Variants in LRRTM4 observed in about 807,000 individuals in gnomAD.
The protein encoded by LRRTM4 is leucine rich repeat transmembrane neuronal 4, also known as leucine-rich repeat transmembrane neuronal protein 4.
In LRRTM4, 25 loss-of-function variants were observed where a neutral mutation model predicts 47.6. The observed-to-expected ratio is 0.53, with a 90% CI of 0.38 to 0.73. LRRTM4 has a LOEUF of 0.73. Among genes scored for constraint, LRRTM4 ranks in the 30% least tolerant of loss-of-function variants. The pLI is 0.00. For synonymous variants in LRRTM4, 311 were observed against 269.5 expected (o/e 1.15, Z -1.51); for missense variants, 638 against 713.4 (o/e 0.89, Z 1.20).
At chr2:76,789,099 T>G (rs1674832439) in intron 3 of LRRTM4, among the ~76,000 whole-genome samples, 1 of 152,102 alleles carries the variant, frequency 6.6e-6, no homozygotes, top group African/African-American at 2.4e-5. Flanking sequence ...AACCCTATAC[T>G]TTAGAGATGC....
intron 3 of LRRTM4, among the ~76,000 whole-genome samples, chr2:77,068,928 A>G (rs1048906528): frequency 1.3e-5 from 2 of 151,026 alleles, no homozygotes; most frequent in African/African-American, 5.0e-5. Flanking sequence ...TTAAACCACA[A>G]ACAATAGCAT....
intron 3 of LRRTM4, among the ~76,000 whole-genome samples, chr2:77,031,436 T>G (rs1395384733): frequency 6.6e-6 from 1 of 152,216 alleles, no homozygotes; most frequent in African/African-American, 2.4e-5. Context: ...AAGTAGATCA[T>G]GATTATCCTA....
At chr2:77,364,087 C>T (rs1672344319) in intron 3 of LRRTM4, among the ~76,000 whole-genome samples, 1 of 151,120 alleles carries the variant, frequency 6.6e-6, no homozygotes, top group Non-Finnish European at 1.5e-5. Flanking sequence ...AGGCTCTCTT[C>T]TCAACCATAT....
At chr2:76,749,542 C>T (rs187257342) in intron 3 of LRRTM4, among the ~76,000 whole-genome samples, 1 of 151,908 alleles carries the variant, frequency 6.6e-6, no homozygotes, top group African/African-American at 2.4e-5. Flanking sequence ...AATACTGGAC[C>T]AAAGAACTCT....
At chr2:76,793,062 A>C (rs1344730721) in intron 3 of LRRTM4, among the ~76,000 whole-genome samples, 1 of 152,210 alleles carries the variant, frequency 6.6e-6, no homozygotes, top group Non-Finnish European at 1.5e-5. Context: ...TCAAGGCTTT[A>C]GCAGTATTAA....
chr2:77,159,019 C>T (rs960171819), intron 3 of LRRTM4, among the ~76,000 whole-genome samples: 1 of 152,126 alleles, frequency 6.6e-6, no homozygotes, highest in African/African-American at 2.4e-5. Context: ...AACCACTAAA[C>T]CAGACTTTAT....
intron 3 of LRRTM4, among the ~76,000 whole-genome samples, chr2:76,868,658 T>C (rs529242194): frequency 8.5e-4 from 130 of 152,276 alleles, no homozygotes; most frequent in African/African-American, 2.8e-3. Flanking sequence ...TGTGAAAATA[T>C]TGCTAAGAAT....
intron 3 of LRRTM4, among the ~76,000 whole-genome samples, chr2:77,416,748 T>A (rs1301707873): frequency 1.3e-5 from 2 of 152,020 alleles, no homozygotes; most frequent in Non-Finnish European, 2.9e-5. Context: ...GTAAAGATAC[T>A]GTGTCAAAGA....
At chr2:76,923,969 G>A (rs1471961937) in intron 3 of LRRTM4, among the ~76,000 whole-genome samples, 2 of 151,958 alleles carry the variant, frequency 1.3e-5, no homozygotes, top group African/African-American at 4.8e-5. Flanking sequence ...GCATAGGTGT[G>A]GAGTGTTTTT....
intron 3 of LRRTM4, among the ~76,000 whole-genome samples, chr2:77,246,416 C>A (rs6710391): frequency 0.55 from 83,145 of 151,928 alleles, 23,115 homozygotes; most frequent in African/African-American, 0.6. Context: ...TATAAATGAA[C>A]AGTATTGTGC....
intron 3 of LRRTM4, among the ~76,000 whole-genome samples, chr2:76,848,418 C>T (rs1271281312): frequency 6.6e-6 from 1 of 152,036 alleles, no homozygotes; most frequent in South Asian, 2.1e-4. Flanking sequence ...ATATACTTCC[C>T]TCAAATTTTA....
intron 3 of LRRTM4, among the ~76,000 whole-genome samples, chr2:76,774,586 T>C (rs1187027072): frequency 3.3e-5 from 5 of 152,182 alleles, no homozygotes; most frequent in African/African-American, 9.6e-5. Flanking sequence ...TTCATCCTTA[T>C]TATCTTCACA....
chr2:77,452,995 C>T (rs894480529), intron 3 of LRRTM4, among the ~76,000 whole-genome samples: 37 of 151,774 alleles, frequency 2.4e-4, no homozygotes, highest in African/African-American at 7.7e-4. Context: ...TAAAAATACT[C>T]CATGCATACT....
At chr2:77,395,757 A>G (rs1673676382) in intron 3 of LRRTM4, among the ~76,000 whole-genome samples, 1 of 151,810 alleles carries the variant, frequency 6.6e-6, no homozygotes, top group Admixed American at 6.6e-5. Context: ...TTTTTGAAAT[A>G]TCTATGCTTT....
intron 3 of LRRTM4, among the ~76,000 whole-genome samples, chr2:77,140,075 A>G (rs1672075300): frequency 6.6e-6 from 1 of 152,188 alleles, no homozygotes; most frequent in Non-Finnish European, 1.5e-5. Context: ...ATTCAATGCC[A>G]TCCCCATCAA....
intron 3 of LRRTM4, among the ~76,000 whole-genome samples, chr2:77,440,211 G>A (rs1034447892): frequency 1.3e-5 from 2 of 152,054 alleles, no homozygotes; most frequent in African/African-American, 4.8e-5. Context: ...TCACGAAATC[G>A]AGACCATCCT....
chr2:77,148,064 A>C (rs913285067), intron 3 of LRRTM4, among the ~76,000 whole-genome samples: 1 of 152,164 alleles, frequency 6.6e-6, no homozygotes, highest in African/African-American at 2.4e-5. Context: ...CCTCAATAAC[A>C]GTGATGTTTT....
chr2:77,205,842 C>A (rs556231291), intron 3 of LRRTM4, among the ~76,000 whole-genome samples: 1 of 152,142 alleles, frequency 6.6e-6, no homozygotes, highest in East Asian at 1.9e-4. Flanking sequence ...GATTGTGTCT[C>A]TTTTTGTTTT....
intron 3 of LRRTM4, among the ~76,000 whole-genome samples, chr2:76,997,450 A>G (rs1292133056): frequency 1.3e-5 from 2 of 152,090 alleles, no homozygotes; most frequent in East Asian, 1.9e-4. Context: ...CTCATCACGC[A>G]TGAACACTGA....
Sources: gnomAD v4.1 joint callset for allele counts (sites outside exome capture counted in the v4.1 genomes callset) on GRCh38, gnomAD v4.1.1 for gene constraint, MANE v1.5 for transcripts, NCBI Gene and HGNC (gene_info 2026-07-23, HGNC 2026-07-21) for gene names.